ADAMTSL1: variants seen among roughly 807,000 people sequenced by gnomAD.
ADAMTSL1 encodes the protein ADAMTS like 1.
ADAMTSL1 carries 126 observed loss-of-function variants against 201.8 expected under a neutral mutation model. That is an observed-to-expected ratio of 0.62 (90% CI 0.54 to 0.72). The LOEUF is 0.72. Ranked by LOEUF, ADAMTSL1 falls within the 30% of genes least tolerant of loss-of-function variation. The pLI, the probability that ADAMTSL1 is intolerant of heterozygous loss-of-function variation, is 0.00. For missense variants in ADAMTSL1, 2,679 were observed against 2,277.8 expected (o/e 1.18, Z -3.59); for synonymous variants, 1,121 against 903.4 (o/e 1.24, Z -4.32).
At chr9:18,824,372 C>G (rs566665112) in intron 21 of ADAMTSL1, among the ~76,000 whole-genome samples, 19 of 152,330 alleles carry the variant, frequency 1.2e-4, no homozygotes, top group Admixed American at 4.6e-4. Context: ...CACACTTGAG[C>G]ATAAAGTATC....
At position 18,388,440 on chromosome 9, in the gene ADAMTSL1, A is replaced by G. The variant is rs145553280; in HGVS notation, c.208-116389A>G. Among the ~76,000 whole-genome samples, 52 of 151,890 alleles carry G rather than the reference A, an allele frequency of 3.4e-4. 1 individual carries two copies. Among genetic ancestry groups the G allele is most frequent in the African/African-American group, 1.2e-3 (51 of 41,436 alleles). On this transcript the variant is annotated intron_variant, in intron 2 of 29. Coordinates refer to the ADAMTSL1 transcript ENST00000680146. ...AGGCACATACCACCATGCCTGGCTA[A>G]TTTTTGCATTTTCTGTAGAGACAAT...
intron 1 of ADAMTSL1, among the ~76,000 whole-genome samples, chr9:17,995,965 A>T (rs1819360788): frequency 6.6e-6 from 1 of 151,992 alleles, no homozygotes; most frequent in South Asian, 2.1e-4. Flanking sequence ...TGTTGTGATG[A>T]GGACTAACGT....
intron 2 of ADAMTSL1, among the ~76,000 whole-genome samples, chr9:18,316,865 G>A (rs1053931976): frequency 1.3e-5 from 2 of 152,034 alleles, no homozygotes; most frequent in Admixed American, 6.6e-5. Flanking sequence ...CAGTCCCTCC[G>A]TTTGGGGTCC....
rs151246565 is a variant in ADAMTSL1, at chr9:18,100,455, C to T, written c.88-63407C>T. Among the ~76,000 whole-genome samples, 688 of 152,224 alleles carry T rather than the reference C, an allele frequency of 4.5e-3. 8 individuals are homozygous for T. The highest frequency in any genetic ancestry group is 3.4e-3 in the Middle Eastern group (1 of 294). Reference sequence around the variant, plus strand: ...TATGCCTTGACTTTAGAGGATGGGCCACCATGCCTGGCTAATTTCCCTGAA... The same window carrying T: ...TATGCCTTGACTTTAGAGGATGGGCTACCATGCCTGGCTAATTTCCCTGAA... On this transcript the variant is annotated intron_variant, in intron 1 of 29. Coordinates refer to the ADAMTSL1 transcript ENST00000680146.
chr9:18,305,647 A>G (rs77014729), intron 2 of ADAMTSL1, among the ~76,000 whole-genome samples: 10,728 of 152,244 alleles, frequency 0.07, 1,227 homozygotes, highest in African/African-American at 0.24. Flanking sequence ...TAGCCAGACT[A>G]CCTGTCTAGA....
intron 2 of ADAMTSL1, among the ~76,000 whole-genome samples, chr9:18,374,156 C>G (rs970441434): frequency 6.6e-6 from 1 of 152,136 alleles, no homozygotes; most frequent in Non-Finnish European, 1.5e-5. Context: ...ATAGGCAGCA[C>G]AGATTTGGAA....
intron 2 of ADAMTSL1, among the ~76,000 whole-genome samples, chr9:18,387,947 A>C (rs1837871678): frequency 7.8e-6 from 1 of 128,838 alleles, no homozygotes; most frequent in Non-Finnish European, 1.9e-5. Context: ...TTGAGGCTGC[A>C]TTGTTAGGTA....
chr9:18,306,431 A>C (rs1032642707), intron 2 of ADAMTSL1, among the ~76,000 whole-genome samples: 11 of 152,208 alleles, frequency 7.2e-5, no homozygotes, highest in African/African-American at 2.7e-4. Context: ...CAATGCAAGG[A>C]AGCTAAGAAC....
intron 2 of ADAMTSL1, among the ~76,000 whole-genome samples, chr9:18,275,701 G>A (rs886586047): frequency 2.5e-4 from 38 of 151,994 alleles, no homozygotes; most frequent in Non-Finnish European, 4.1e-4. Context: ...CTATTCCTTC[G>A]TATTGCTGAG....
intron 23 of ADAMTSL1, among the ~76,000 whole-genome samples, chr9:18,881,334 G>C (rs1461094636): frequency 6.6e-6 from 1 of 152,154 alleles, no homozygotes; most frequent in Non-Finnish European, 1.5e-5. Flanking sequence ...GATTTAAAGT[G>C]AAAGATGTAC....
intron 2 of ADAMTSL1, among the ~76,000 whole-genome samples, chr9:18,283,607 T>TAAAAAA (rs34012085): frequency 1.6e-5 from 1 of 60,764 alleles, no homozygotes; most frequent in Admixed American, 2.8e-4. Flanking sequence ...AACTGTATCT[T>TAAAAAA]AAAAAAAAAA....
At chr9:18,300,160 A>G (rs1401724464) in intron 2 of ADAMTSL1, among the ~76,000 whole-genome samples, 1 of 152,172 alleles carries the variant, frequency 6.6e-6, no homozygotes, top group South Asian at 2.1e-4. Flanking sequence ...ACACATGCAC[A>G]TGTATGTTTA....
At chr9:18,805,131 T>C (rs1422330670) in intron 20 of ADAMTSL1, among the ~76,000 whole-genome samples, 1 of 152,210 alleles carries the variant, frequency 6.6e-6, no homozygotes, top group African/African-American at 2.4e-5. Flanking sequence ...ATCTGGCATA[T>C]GTTGTTTCCT....
chr9:18,546,512 TACCAAC>T, intron 3 of ADAMTSL1, among the ~76,000 whole-genome samples: 1 of 152,094 alleles, frequency 6.6e-6, no homozygotes, highest in African/African-American at 2.4e-5. Flanking sequence ...TCCAACAACA[TACCAAC>T]ATCCCTTTCC....
At chr9:18,818,415 G>A (rs1823999566) in intron 21 of ADAMTSL1, among the ~76,000 whole-genome samples, 1 of 152,116 alleles carries the variant, frequency 6.6e-6, no homozygotes, top group South Asian at 2.1e-4. Flanking sequence ...GAGTAAGTAG[G>A]AGGAATATCT....
chr9:18,456,996 G>A (rs942777370), intron 2 of ADAMTSL1, among the ~76,000 whole-genome samples: 5 of 152,180 alleles, frequency 3.3e-5, no homozygotes, highest in East Asian at 1.9e-4. Context: ...GAACAGTCCC[G>A]GACATAAGTG....
intron 2 of ADAMTSL1, among the ~76,000 whole-genome samples, chr9:18,373,819 T>A (rs1048321585): frequency 1.3e-5 from 2 of 152,208 alleles, no homozygotes; most frequent in Non-Finnish European, 2.9e-5. Flanking sequence ...GCATTCTCCC[T>A]CTAGGATTTT....
intron 1 of ADAMTSL1, among the ~76,000 whole-genome samples, chr9:17,995,889 A>C (rs1326642286): frequency 6.6e-6 from 1 of 151,800 alleles, no homozygotes; most frequent in East Asian, 1.9e-4. Flanking sequence ...ACTGACACTT[A>C]TTCTTTCTCT....
chr9:18,181,444 AAAAC>A (rs1828472454), intron 2 of ADAMTSL1, among the ~76,000 whole-genome samples: 2 of 152,154 alleles, frequency 1.3e-5, no homozygotes, highest in African/African-American at 2.4e-5. Flanking sequence ...TTACAAGAAA[AAAAC>A]AAACAACCCG....
Sources: gnomAD v4.1 joint callset for allele counts (sites outside exome capture counted in the v4.1 genomes callset) on GRCh38, gnomAD v4.1.1 for gene constraint, MANE v1.5 for transcripts, NCBI Gene and HGNC (gene_info 2026-07-23, HGNC 2026-07-21) for gene names.